The following SHISA6 variants were observed in gnomAD, a reference collection of about 807,000 sequenced individuals.
The protein encoded by SHISA6 is protein shisa-6.
A neutral mutation model predicts 47.9 loss-of-function variants in SHISA6; 22 were observed. The ratio of observed to expected loss-of-function variants is 0.46; its 90% confidence interval spans 0.33 to 0.66. The LOEUF is 0.66. Ranked by LOEUF, SHISA6 falls within the 30% of genes least tolerant of loss-of-function variation. The probability of loss-of-function intolerance (pLI) is 0.02; values close to 1 mark genes in which losing one functional copy is unlikely to be tolerated. For missense variants in SHISA6, 680 were observed against 764.6 expected, an observed-to-expected ratio of 0.89 and a Z score of 1.30; for synonymous variants, 388 against 337.8, an observed-to-expected ratio of 1.15 and a Z score of -1.63.
intron 2 of SHISA6, among the ~76,000 whole-genome samples, chr17:11,278,318 C>CTGCAG (rs1286027176): frequency 1.3e-5 from 2 of 152,272 alleles, no homozygotes; most frequent in Admixed American, 1.3e-4. Context: ...GGGGAAATCC[C>CTGCAG]TGCAGAGAGT....
chr17:11,502,089 A>T (rs1197169909), intron 3 of SHISA6, among the ~76,000 whole-genome samples: 2 of 152,198 alleles, frequency 1.3e-5, no homozygotes, highest in African/African-American at 2.4e-5. Context: ...GTCTAACCAC[A>T]CTGCCATATA....
At chr17:11,374,833 AAC>A (rs1440564109) in intron 2 of SHISA6, among the ~76,000 whole-genome samples, 6 of 151,888 alleles carry the variant, frequency 4.0e-5, no homozygotes, top group South Asian at 2.1e-4. Context: ...TATTATATAT[AAC>A]ACATATATAA....
chr17:11,446,451 T>G (rs954745569), intron 3 of SHISA6, among the ~76,000 whole-genome samples: 1 of 152,342 alleles, frequency 6.6e-6, no homozygotes, highest in South Asian at 2.1e-4. Context: ...GCTGCCCCTC[T>G]TCAAGCTTGT....
At position 11,263,398 on chromosome 17, in the gene SHISA6, C is replaced by T; in HGVS notation, c.671C>T (p.Pro224Leu). Residue 224 changes from proline to leucine, a missense_variant, in exon 2 of 6, where the codon CCA becomes CTA. Pro to Leu is a moderately conservative substitution (Grantham distance 98). Around this residue, in one of 2 missense-constraint regions of SHISA6, gnomAD observed 559 missense variants for 674.1 expected, o/e 0.83. Coordinates refer to ENST00000441885, the MANE Select transcript of SHISA6 (RefSeq NM_207386.4). ...ALADILRQQG[P>L]IPIAHCERET... ...GCTGACATCTTAAGACAACAGGGAC[C>T]AATCCCCATAGCACACTGTGAAAGA... The T allele has an allele frequency of 1.3e-6, 2 of 1,552,118 alleles. No homozygotes were observed. The highest frequency in any genetic ancestry group is 1.7e-6 in the Non-Finnish European group (2 of 1,147,094).
intron 2 of SHISA6, among the ~76,000 whole-genome samples, chr17:11,287,583 G>A (rs897680441): frequency 1.4e-5 from 2 of 146,236 alleles, no homozygotes; most frequent in African/African-American, 5.1e-5. Flanking sequence ...GAGGTAGGAG[G>A]ATTACTTGAG....
intron 3 of SHISA6, among the ~76,000 whole-genome samples, chr17:11,512,489 G>A (rs2142355788): frequency 6.6e-6 from 1 of 152,156 alleles, no homozygotes; most frequent in African/African-American, 2.4e-5. Flanking sequence ...TACACCTCTT[G>A]AGTCAAAACA....
At chr17:11,264,870 C>T (rs891900551) in intron 2 of SHISA6, among the ~76,000 whole-genome samples, 1 of 152,266 alleles carries the variant, frequency 6.6e-6, no homozygotes, top group Admixed American at 6.5e-5. Flanking sequence ...GACACTCCCT[C>T]CTGAAAAATA....
rs74342093 is a variant in SHISA6, at chr17:11,498,709, G to A, written c.896-53187G>A. Among the ~76,000 whole-genome samples, 1,453 of 152,198 alleles carry A rather than the reference G, an allele frequency of 9.5e-3. 19 individuals carry two copies. The highest frequency in any genetic ancestry group is 0.034 in the African/African-American group (1,394 of 41,518). On this transcript the variant is annotated intron_variant, in intron 3 of 5. Coordinates refer to ENST00000441885, the MANE Select transcript of SHISA6 (RefSeq NM_207386.4). ...AGTAAAGAGAAGAGAAGAAGGGGGC[G>A]GATAGGAGGAGAAGGGAAGGGCTTG...
At chr17:11,504,496 A>G (rs1293676035) in intron 3 of SHISA6, among the ~76,000 whole-genome samples, 3 of 152,178 alleles carry the variant, frequency 2.0e-5, no homozygotes, top group African/African-American at 4.8e-5. Context: ...ACATGATCCT[A>G]TTGTTAAGAA....
At chr17:11,515,313 A>AAAGGAAGGAAGGAAGGAAGG (rs200856515) in intron 3 of SHISA6, among the ~76,000 whole-genome samples, 246 of 130,880 alleles carry the variant, frequency 1.9e-3, no homozygotes, top group East Asian at 9.8e-3. Context: ...GAAGAAAGAA[A>AAAGGAAGGAAGGAAGGAAGG]AAGGAAGGAA....
intron 2 of SHISA6, among the ~76,000 whole-genome samples, chr17:11,306,578 G>A (rs571059482): frequency 6.6e-5 from 10 of 152,268 alleles, no homozygotes; most frequent in African/African-American, 1.9e-4. Context: ...ACCTGAGTGG[G>A]CATTGGTGAG....
At chr17:11,453,049 T>C (rs1336803253) in intron 3 of SHISA6, among the ~76,000 whole-genome samples, 1 of 151,584 alleles carries the variant, frequency 6.6e-6, no homozygotes, top group Non-Finnish European at 1.5e-5. Context: ...TCAGCTTTCC[T>C]CAGGACTGGA....
At chr17:11,467,693 G>T (rs28692522) in intron 3 of SHISA6, among the ~76,000 whole-genome samples, 17,343 of 152,124 alleles carry the variant, frequency 0.11, 2,041 homozygotes, top group African/African-American at 0.3. Flanking sequence ...GAATACATAA[G>T]GGATTAAAGG....
chr17:11,323,583 G>T (rs1265517088), intron 2 of SHISA6, among the ~76,000 whole-genome samples: 1 of 152,006 alleles, frequency 6.6e-6, no homozygotes, highest in Non-Finnish European at 1.5e-5. Context: ...GAACCCGGGA[G>T]GCAGAGGTTG....
At chr17:11,258,512 A>T (rs959085332) in intron 1 of SHISA6, among the ~76,000 whole-genome samples, 1 of 152,212 alleles carries the variant, frequency 6.6e-6, no homozygotes, top group African/African-American at 2.4e-5. Flanking sequence ...GAAGATTGGG[A>T]CAAAAAATAA....
intron 3 of SHISA6, among the ~76,000 whole-genome samples, chr17:11,393,554 C>A (rs1913462349): frequency 6.6e-6 from 1 of 152,162 alleles, no homozygotes; most frequent in South Asian, 2.1e-4. Flanking sequence ...CCAGTGTAAT[C>A]TTTCTAAAGC....
At chr17:11,472,528 T>C (rs113895472) in intron 3 of SHISA6, among the ~76,000 whole-genome samples, 29,204 of 152,144 alleles carry the variant, frequency 0.19, 2,949 homozygotes, top group East Asian at 0.29. Flanking sequence ...CTAAATAATA[T>C]TCCATTGTCT....
At chr17:11,244,514 T>C (rs1489050231) in intron 1 of SHISA6, among the ~76,000 whole-genome samples, 4 of 151,996 alleles carry the variant, frequency 2.6e-5, no homozygotes, top group African/African-American at 9.7e-5. Context: ...CTCCTGGGGG[T>C]GAGTGTGACT....
chr17:11,286,058 G>T (rs1003762980), intron 2 of SHISA6, among the ~76,000 whole-genome samples: 1 of 151,900 alleles, frequency 6.6e-6, no homozygotes, highest in Non-Finnish European at 1.5e-5. Flanking sequence ...GGATGGTCTC[G>T]AACTCCTGAA....
Sources: allele counts gnomAD v4.1 joint callset (sites outside exome capture counted in the v4.1 genomes callset), GRCh38; gene constraint gnomAD v4.1.1; regional missense constraint gnomAD v4.1.1; transcripts MANE v1.5; gene names NCBI Gene and HGNC (gene_info 2026-07-23, HGNC 2026-07-21).